ERP27: variants seen among roughly 807,000 people sequenced by gnomAD.
ERP27 encodes the protein endoplasmic reticulum protein 27.
Under a neutral mutation model 27.7 loss-of-function variants are expected in ERP27, and 23 were observed. That is an observed-to-expected ratio of 0.83 (90% CI 0.60 to 1.18). ERP27 has a LOEUF of 1.18. Ranked by LOEUF, ERP27 falls within the 50% of genes most tolerant of loss-of-function variation. ERP27 has a pLI of 0.00. For synonymous variants in ERP27, 159 were observed against 118.3 expected, an observed-to-expected ratio of 1.34 and a Z score of -2.23; for missense variants, 363 against 327.9, an observed-to-expected ratio of 1.11 and a Z score of -0.83.
In ERP27 at chr12:14,914,699, A is replaced by G. The variant is rs777352084; in HGVS notation, c.*36T>C. The G allele has an allele frequency of 2.5e-6, 4 of 1,594,934 alleles. No homozygotes were observed. Among genetic ancestry groups the G allele is most frequent in the Middle Eastern group, 3.3e-4 (2 of 6,002 alleles). ...AGTTGTGCCTTTTTACTTTGCATAAAGTAGATACTTGGCCATATGTAGTTC... is the reference window on the plus strand; with the variant it reads ...AGTTGTGCCTTTTTACTTTGCATAAGGTAGATACTTGGCCATATGTAGTTC... On this transcript the variant is annotated 3_prime_UTR_variant, in exon 7 of 7. Transcript: ENST00000266397.
At chr12:14,924,763 A>G (rs889998897) in intron 3 of ERP27, among the ~76,000 whole-genome samples, 4 of 152,242 alleles carry the variant, frequency 2.6e-5, no homozygotes, top group Admixed American at 2.0e-4. Context: ...ACTGGGCTGC[A>G]TTCCAAGATG....
At chr12:14,927,662 G>A (rs1371130427) in intron 3 of ERP27, among the ~76,000 whole-genome samples, 2 of 151,746 alleles carry the variant, frequency 1.3e-5, no homozygotes, top group East Asian at 3.9e-4. Flanking sequence ...TCAATGCAGG[G>A]TTCATCTTTT....
At chr12:14,920,170 T>G (rs1037004688) in intron 4 of ERP27, among the ~76,000 whole-genome samples, 1 of 152,218 alleles carries the variant, frequency 6.6e-6, no homozygotes, top group African/African-American at 2.4e-5. Flanking sequence ...TAGACTGTTA[T>G]AGTCTATAGA....
chr12:14,932,375 C>T (rs1863709603), intron 3 of ERP27, among the ~76,000 whole-genome samples: 1 of 152,018 alleles, frequency 6.6e-6, no homozygotes, highest in Non-Finnish European at 1.5e-5. Flanking sequence ...AAGGAGTCAT[C>T]TGGGTGAGGC....
rs1449366023 is a variant in ERP27, at chr12:14,916,386, TC to T, written c.577-701del. Among the ~76,000 whole-genome samples the T allele has an allele frequency of 7.9e-5, 12 of 152,304 alleles. No individual in the cohort carries two copies. The South Asian group carries it at 1.0e-3, about 13-fold the overall frequency. ...GAGTTTGGGCACATTACTCAGCCTC[TC>T]CGAGACTCAGTTTTCTCATTGGCAA... On this transcript the variant is annotated intron_variant, in intron 5 of 6. Coordinates refer to ENST00000266397, the MANE Select transcript of ERP27 (RefSeq NM_152321.4).
chr12:14,924,528 A>T (rs1863566930), intron 3 of ERP27, among the ~76,000 whole-genome samples: 1 of 152,160 alleles, frequency 6.6e-6, no homozygotes, highest in African/African-American at 2.4e-5. Context: ...CCACATCCAC[A>T]CCAGCGTTTG....
chr12:14,920,611 A>T (rs562467533), intron 4 of ERP27, among the ~76,000 whole-genome samples: 2 of 152,128 alleles, frequency 1.3e-5, no homozygotes, highest in African/African-American at 4.8e-5. Context: ...GACACGAGTG[A>T]TCCTCATGCT....
At chr12:14,922,482 T>TTC (rs10675932) in intron 3 of ERP27, among the ~76,000 whole-genome samples, 152,214 of 152,220 alleles carry the variant, frequency 1, 76,104 homozygotes, top group Middle Eastern at 1. Flanking sequence ...GTCTATCTTT[T>TTC]TCTCTGATTT....
chr12:14,934,425 ATC>A (rs1863744845), intron 3 of ERP27, among the ~76,000 whole-genome samples: 2 of 152,216 alleles, frequency 1.3e-5, no homozygotes, highest in African/African-American at 4.8e-5. Flanking sequence ...TATTATCGGT[ATC>A]TTGCATAGGG....
rs150021646 is a variant in ERP27, at chr12:14,923,033, C to T, written c.334-1985G>A. 3.2e-3 allele frequency among the ~76,000 whole-genome samples: 469 copies of T among 148,238 alleles called. 2 individuals are homozygous for T. Among genetic ancestry groups the T allele is most frequent in the African/African-American group, 9.1e-3 (363 of 39,858 alleles). On this transcript the variant is annotated intron_variant, in intron 3 of 6. Transcript: ENST00000266397. Reference sequence around the variant, plus strand: ...AGGTTGCAGTGAGCCGAGAACGTGCCATTGCACTCCGGCCTGGGTGGCAGA... The same window carrying T: ...AGGTTGCAGTGAGCCGAGAACGTGCTATTGCACTCCGGCCTGGGTGGCAGA...
intron 4 of ERP27, among the ~76,000 whole-genome samples, chr12:14,917,905 C>T (rs1347840313): frequency 6.6e-6 from 1 of 152,214 alleles, no homozygotes; most frequent in African/African-American, 2.4e-5. Context: ...TTATTTGAAA[C>T]TCCTAAGATT....
At chr12:14,921,091 T>G in intron 3 of ERP27, 43 bp from the exon 4 acceptor site, 2 of 1,526,816 alleles carry the variant, frequency 1.3e-6, no homozygotes, top group Non-Finnish European at 9.1e-7. Flanking sequence ...TCCATCTTTT[T>G]TTCATGTATT....
rs770939586 is a variant in ERP27 at position 14,914,726 on chromosome 12, A to G, written c.*9T>C. On this transcript the variant is annotated 3_prime_UTR_variant, in exon 7 of 7. Transcript: ENST00000266397. ...TAGATACTTGGCCATATGTAGTTCC[A>G]AGGAGAAGTCAGAGTTCCACCTTTG... The G allele has an allele frequency of 1.2e-6, 2 of 1,612,694 alleles. No homozygotes were observed. Among genetic ancestry groups the G allele is most frequent in the East Asian group, 2.2e-5 (1 of 44,874 alleles).
intron 3 of ERP27, among the ~76,000 whole-genome samples, chr12:14,928,195 G>C (rs961596270): frequency 3.3e-5 from 5 of 152,106 alleles, no homozygotes; most frequent in Non-Finnish European, 5.9e-5. Context: ...ATCTTGCCTT[G>C]GATCAGAACC....
At chr12:14,931,078 C>T (rs1411829149) in intron 3 of ERP27, among the ~76,000 whole-genome samples, 1 of 152,170 alleles carries the variant, frequency 6.6e-6, no homozygotes, top group Non-Finnish European at 1.5e-5. Flanking sequence ...GATTTGTAGA[C>T]AGCAATGCTG....
At position 14,931,773 on chromosome 12, in the gene ERP27, G is replaced by A. The variant is rs115329592; in HGVS notation, c.333+3083C>T. Among the ~76,000 whole-genome samples the A allele has an allele frequency of 4.2e-3, 640 of 152,170 alleles. 7 individuals carry two copies. The highest frequency in any genetic ancestry group is 0.015 in the African/African-American group (603 of 41,502). ...GCACTTGTTTTTCTTCCCCATGTGC[G>A]TATCTTGGTGGTACTAAGCCTTTTA... On this transcript the variant is annotated intron_variant, in intron 3 of 6. Transcript: ENST00000266397.
intron 4 of ERP27, among the ~76,000 whole-genome samples, chr12:14,919,583 G>A (rs953197793): frequency 6.6e-6 from 1 of 152,186 alleles, no homozygotes; most frequent in African/African-American, 2.4e-5. Flanking sequence ...GGTGTGAGAG[G>A]TAGGCCAGAT....
rs1320330975 is a variant in ERP27 at position 14,915,597 on chromosome 12, C to T, written c.666G>A (p.Leu222=). ...CGTCATCTAGAGTCTGGTAAATTGC[C>T]AAAGCTGGCAGTTGAGACTCCTTTA... The part of the protein sequence containing the change: ...FKLKESQLPA[L]AIYQTLDDEW... The change falls in exon 6 of 7, where the codon TTG becomes TTA. Residue 222 remains leucine, a synonymous_variant. Transcript: ENST00000266397. The T allele has an allele frequency of 6.2e-7, 1 of 1,614,184 alleles. No homozygotes were observed. Among genetic ancestry groups the T allele is most frequent in the Non-Finnish European group, 8.5e-7 (1 of 1,180,034 alleles).
chr12:14,922,655 T>G (rs1489200952), intron 3 of ERP27, among the ~76,000 whole-genome samples: 3 of 152,250 alleles, frequency 2.0e-5, no homozygotes, highest in Non-Finnish European at 4.4e-5. Flanking sequence ...TTTTTTGTTT[T>G]GTTTTAAGAA....
Sources: gnomAD v4.1 joint callset for allele counts (sites outside exome capture counted in the v4.1 genomes callset) on GRCh38, gnomAD v4.1.1 for gene constraint, MANE v1.5 for transcripts, NCBI Gene and HGNC (gene_info 2026-07-23, HGNC 2026-07-21) for gene names.